The following PPP3CC variants were observed in gnomAD, a reference collection of about 807,000 sequenced individuals.
PPP3CC encodes serine/threonine-protein phosphatase 2B catalytic subunit gamma isoform.
A neutral mutation model predicts 60.3 loss-of-function variants in PPP3CC; 35 were observed. That is an observed-to-expected ratio of 0.58 (90% CI 0.44 to 0.77). The LOEUF (loss-of-function observed/expected upper bound fraction) is 0.77, where lower values mean the gene tolerates loss of function less well. Among genes scored for constraint, PPP3CC ranks in the 30% least tolerant of loss-of-function variants. The pLI is 0.00. For synonymous variants in PPP3CC, 206 were observed against 224.3 expected, an observed-to-expected ratio of 0.92 and a Z score of 0.73; for missense variants, 570 against 628.9, an observed-to-expected ratio of 0.91 and a Z score of 1.00.
At chr8:22,519,531 C>T (rs191596702) in intron 6 of PPP3CC, among the ~76,000 whole-genome samples, 93 of 152,166 alleles carry the variant, frequency 6.1e-4, no homozygotes, top group Admixed American at 5.0e-3. Flanking sequence ...TTTTGTTCAT[C>T]GGGTTTGCAT....
At chr8:22,470,059 T>TACAC (rs55658283) in intron 1 of PPP3CC, among the ~76,000 whole-genome samples, 4,896 of 146,040 alleles carry the variant, frequency 0.034, 116 homozygotes, top group East Asian at 0.12. Context: ...TATATATATA[T>TACAC]ACACACACAC....
intron 1 of PPP3CC, among the ~76,000 whole-genome samples, chr8:22,457,831 C>T (rs549345983): frequency 3.3e-5 from 5 of 152,346 alleles, no homozygotes; most frequent in African/African-American, 1.2e-4. Context: ...GTGGCTTACG[C>T]CTGTAATCCC....
At chr8:22,458,089 C>T (rs1044491415) in intron 1 of PPP3CC, among the ~76,000 whole-genome samples, 1 of 151,172 alleles carries the variant, frequency 6.6e-6, no homozygotes, top group Non-Finnish European at 1.5e-5. Context: ...AAATCTCCGT[C>T]GCACCAAAAA....
intron 3 of PPP3CC, among the ~76,000 whole-genome samples, chr8:22,477,226 C>T (rs998099087): frequency 2.3e-4 from 35 of 152,060 alleles, no homozygotes; most frequent in Admixed American, 2.2e-3. Context: ...CCTGTAATCC[C>T]AGCACTTTGG....
intron 3 of PPP3CC, among the ~76,000 whole-genome samples, chr8:22,484,460 A>G (rs1386267061): frequency 6.6e-6 from 1 of 152,244 alleles, no homozygotes; most frequent in Non-Finnish European, 1.5e-5. Flanking sequence ...TATAAAAAAC[A>G]GTAGGATCCA....
chr8:22,513,894 G>A (rs1839163570), intron 6 of PPP3CC, among the ~76,000 whole-genome samples: 1 of 152,176 alleles, frequency 6.6e-6, no homozygotes, highest in Admixed American at 6.5e-5. Context: ...TACATTTCCT[G>A]GAAGTTGGCT....
intron 3 of PPP3CC, among the ~76,000 whole-genome samples, chr8:22,484,949 T>C (rs989251149): frequency 6.6e-6 from 1 of 152,194 alleles, no homozygotes; most frequent in Non-Finnish European, 1.5e-5. Flanking sequence ...GGCAGTGTTT[T>C]GTAGTGAGTC....
At position 22,457,369 on chromosome 8, in the gene PPP3CC, C is replaced by G. The variant is rs535328057; in HGVS notation, c.49+15911C>G. Reference sequence around the variant, plus strand: ...AAGAATTTTTTTTCCAAGGCTGGATCTCGGCTCACTGCAACCTCCGCCTCC... The same window carrying G: ...AAGAATTTTTTTTCCAAGGCTGGATGTCGGCTCACTGCAACCTCCGCCTCC... On this transcript the variant is annotated intron_variant, in intron 1 of 13. Transcript: ENST00000240139. 4.6e-5 allele frequency among the ~76,000 whole-genome samples: 7 copies of G among 150,948 alleles called. No individual in the cohort carries two copies. The East Asian group carries it at 1.4e-3, about 30-fold the overall frequency.
chr8:22,468,440 A>G (rs777329785), intron 1 of PPP3CC, among the ~76,000 whole-genome samples: 2 of 152,230 alleles, frequency 1.3e-5, no homozygotes, highest in Admixed American at 6.5e-5. Flanking sequence ...GAAGCTTGAC[A>G]TAATATTTTG....
At chr8:22,449,683 A>G (rs1836946238) in intron 1 of PPP3CC, among the ~76,000 whole-genome samples, 1 of 151,978 alleles carries the variant, frequency 6.6e-6, no homozygotes, top group Non-Finnish European at 1.5e-5. Flanking sequence ...AGAAGTCAGT[A>G]TGGAGAAAGA....
At chr8:22,453,877 G>C (rs1190716989) in intron 1 of PPP3CC, among the ~76,000 whole-genome samples, 1 of 152,172 alleles carries the variant, frequency 6.6e-6, no homozygotes, top group Non-Finnish European at 1.5e-5. Flanking sequence ...TGGTCCACCT[G>C]TGGAGGGCAC....
At chr8:22,518,794 C>T (rs1057146240) in intron 6 of PPP3CC, among the ~76,000 whole-genome samples, 1 of 152,190 alleles carries the variant, frequency 6.6e-6, no homozygotes, top group African/African-American at 2.4e-5. Flanking sequence ...TCAAGCAATT[C>T]TCCTGCCTCA....
rs1393645611 is a variant in PPP3CC, at chr8:22,533,015, A to G, written c.1318A>G (p.Thr440Ala). Reference sequence around the variant, plus strand: ...CTCAGGAGGCAAGCAGACTATCGAGACAGGTGAGTATGAGAGTGCTCCTCC... The same window carrying G: ...CTCAGGAGGCAAGCAGACTATCGAGGCAGGTGAGTATGAGAGTGCTCCTCC... Reference protein sequence around the residue: ...VLSGGKQTIETATVEAVEARE... With the variant: ...VLSGGKQTIEAATVEAVEARE... The change falls in exon 12 of 14, where the codon ACA (threonine) becomes GCA (alanine). Residue 440 changes from threonine to alanine, a missense_variant. Physicochemically the swap from Thr to Ala is moderately conservative, Grantham distance 58 (BLOSUM62 0). Coordinates refer to ENST00000240139, the MANE Select transcript of PPP3CC (RefSeq NM_005605.5). 6.3e-7 allele frequency: 1 copy of G among 1,597,164 alleles called. No individual in the cohort carries two copies.
chr8:22,479,361 TA>T (rs1446623838), intron 3 of PPP3CC, among the ~76,000 whole-genome samples: 5 of 152,254 alleles, frequency 3.3e-5, no homozygotes, highest in Admixed American at 3.3e-4. Flanking sequence ...TTTACATTTG[TA>T]TATATTTTGT....
chr8:22,472,240 T>C (rs1837744533), intron 1 of PPP3CC, among the ~76,000 whole-genome samples: 1 of 141,304 alleles, frequency 7.1e-6, no homozygotes, highest in African/African-American at 3.2e-5. Context: ...TAATAACACC[T>C]AGCTTAAAAG....
chr8:22,492,533 A>G (rs975771166), intron 3 of PPP3CC: 2 of 365,456 alleles, frequency 5.5e-6, no homozygotes, highest in Non-Finnish European at 1.0e-5. Context: ...ATGTGTGTGC[A>G]CCTAATCTCA....
rs764100960 is a variant in PPP3CC at position 22,449,868 on chromosome 8, CTTTT to C, written c.49+8423_49+8426del. Among the ~76,000 whole-genome samples the C allele has an allele frequency of 6.2e-4, 83 of 134,866 alleles. 1 individual carries two copies. The highest frequency in any genetic ancestry group is 1.4e-3 in the South Asian group (6 of 4,140). 88.5% of individuals were successfully genotyped at this position (134,866 alleles called of 152,430 possible). On this transcript the variant is annotated intron_variant, in intron 1 of 13. Coordinates refer to ENST00000240139, the MANE Select transcript of PPP3CC (RefSeq NM_005605.5). Reference sequence around the variant, plus strand: ...TTGATGACTGTTATTTTTTTCTTTTCTTTTTTTTTTTTTTTTCTGAGACAGAGTC... The same window carrying C: ...TTGATGACTGTTATTTTTTTCTTTTCTTTTTTTTTTTTCTGAGACAGAGTC...
chr8:22,517,904 T>G (rs1004030826), intron 6 of PPP3CC, among the ~76,000 whole-genome samples: 8 of 152,132 alleles, frequency 5.3e-5, no homozygotes, highest in African/African-American at 1.7e-4. Flanking sequence ...GCTTATTTGA[T>G]TCTCCTTTTT....
At chr8:22,480,424 A>G (rs1838026671) in intron 3 of PPP3CC, among the ~76,000 whole-genome samples, 1 of 152,228 alleles carries the variant, frequency 6.6e-6, no homozygotes, top group South Asian at 2.1e-4. Context: ...GATGAGAGAT[A>G]TAGATCTTTT....
Sources: gnomAD v4.1 joint callset for allele counts (sites outside exome capture counted in the v4.1 genomes callset) on GRCh38, gnomAD v4.1.1 for gene constraint, MANE v1.5 for transcripts, NCBI Gene and HGNC (gene_info 2026-07-23, HGNC 2026-07-21) for gene names.